Variants in PEBP4 observed in about 807,000 individuals in gnomAD.
The protein encoded by PEBP4 is phosphatidylethanolamine binding protein 4.
In PEBP4, 22 loss-of-function variants were observed where a neutral mutation model predicts 23.9. The ratio of observed to expected loss-of-function variants is 0.92; its 90% CI spans 0.66 to 1.31. The LOEUF (loss-of-function observed/expected upper bound fraction) is 1.31, where lower values mean the gene tolerates loss of function less well. Ranked by LOEUF, PEBP4 falls within the 40% of genes most tolerant of loss-of-function variation. PEBP4 has a pLI of 0.00. For synonymous variants in PEBP4, 112 were observed against 99.3 expected, an observed-to-expected ratio of 1.13 and a Z score of -0.76; for missense variants, 324 against 281.7, an observed-to-expected ratio of 1.15 and a Z score of -1.07.
chr8:22,810,133 C>T lies in PEBP4; in HGVS notation c.357+7504G>A, dbSNP rs142928491. ...CAGCAAGATCTCTTCTGTTTTCCAA[C>T]GAGATTTCCTTAACTCTTTAAAGGC... On this transcript the variant is annotated intron_variant, in intron 4 of 6. Coordinates refer to ENST00000256404, the MANE Select transcript of PEBP4 (RefSeq NM_144962.3). Among the ~76,000 whole-genome samples the T allele has an allele frequency of 3.3e-3, 504 of 152,332 alleles. 3 individuals are homozygous for T. Among genetic ancestry groups the T allele is most frequent in the Non-Finnish European group, 5.5e-3 (377 of 68,024 alleles).
At chr8:22,842,163 G>A (rs533635126) in intron 3 of PEBP4, among the ~76,000 whole-genome samples, 5 of 152,354 alleles carry the variant, frequency 3.3e-5, no homozygotes, top group Admixed American at 2.6e-4. Context: ...TACACAGTGG[G>A]TAGTCAACTC....
chr8:22,838,090 G>A (rs913232269), intron 3 of PEBP4, among the ~76,000 whole-genome samples: 2 of 151,850 alleles, frequency 1.3e-5, no homozygotes, highest in East Asian at 1.9e-4. Flanking sequence ...TTGTAGATAC[G>A]GGGTCTCCCT....
In PEBP4 at chr8:22,774,645, A is replaced by ACCCTAGAT. The variant is rs1380959687; in HGVS notation, c.357+42984_357+42991dup. ...CTGGCAAACCCAGCTGAAGTTGCTG[A>ACCCTAGAT]CCCTAGATGTCAAGGTCATGACATG... On this transcript the variant is annotated intron_variant, in intron 4 of 6. Transcript: ENST00000256404. 5.9e-5 allele frequency among the ~76,000 whole-genome samples: 9 copies of ACCCTAGAT among 152,246 alleles called. No individual in the cohort carries two copies. The East Asian group carries it at 7.7e-4, about 13-fold the overall frequency.
chr8:22,723,786 G>A (rs1260593637), intron 6 of PEBP4, among the ~76,000 whole-genome samples: 1 of 152,226 alleles, frequency 6.6e-6, no homozygotes, highest in Non-Finnish European at 1.5e-5. Context: ...TCCCAGGGTG[G>A]CCTGGAGCCC....
chr8:22,843,918 GC>G (rs963385016), intron 3 of PEBP4, among the ~76,000 whole-genome samples: 2 of 152,190 alleles, frequency 1.3e-5, no homozygotes, highest in African/African-American at 2.4e-5. Flanking sequence ...TTTCTAACAA[GC>G]ACTTCGCTCT....
At chr8:22,896,228 T>C (rs936306399) in intron 3 of PEBP4, 1 of 152,238 alleles carries the variant, frequency 6.6e-6, no homozygotes, top group South Asian at 2.1e-4. Flanking sequence ...TGTGATCTGA[T>C]GAAGATCTGA....
chr8:22,892,305 T>G (rs1289790135), intron 3 of PEBP4, among the ~76,000 whole-genome samples: 1 of 152,232 alleles, frequency 6.6e-6, no homozygotes, highest in African/African-American at 2.4e-5. Context: ...CTTAATGGTT[T>G]TTAAGTGTAT....
At chr8:22,887,452 C>T (rs1489952301) in intron 3 of PEBP4, among the ~76,000 whole-genome samples, 2 of 151,740 alleles carry the variant, frequency 1.3e-5, no homozygotes, top group Non-Finnish European at 2.9e-5. Flanking sequence ...CCCAGCCACT[C>T]CTAGTATATT....
chr8:22,819,323 G>A (rs1806809792), intron 3 of PEBP4, among the ~76,000 whole-genome samples: 1 of 152,206 alleles, frequency 6.6e-6, no homozygotes. Flanking sequence ...TATATCAAAT[G>A]CTGCTAAAAG....
upstream of PEBP4, among the ~76,000 whole-genome samples, chr8:22,931,130 T>G (rs1278096661): frequency 3.3e-5 from 5 of 152,190 alleles, no homozygotes; most frequent in Admixed American, 3.3e-4. Flanking sequence ...AGACTCTTGT[T>G]ATTTCTCTCC....
At chr8:22,921,979 G>A (rs898525735) in intron 2 of PEBP4, among the ~76,000 whole-genome samples, 3 of 152,202 alleles carry the variant, frequency 2.0e-5, no homozygotes, top group African/African-American at 4.8e-5. Flanking sequence ...ACGCCCTCAC[G>A]CCCATAACCC....
chr8:22,722,422 C>A (rs1248332458), intron 6 of PEBP4, among the ~76,000 whole-genome samples: 1 of 152,158 alleles, frequency 6.6e-6, no homozygotes, highest in African/African-American at 2.4e-5. Context: ...AGAGGGGAGT[C>A]CAGATTGCCT....
At chr8:22,723,835 C>T (rs1804568233) in intron 6 of PEBP4, among the ~76,000 whole-genome samples, 1 of 152,284 alleles carries the variant, frequency 6.6e-6, no homozygotes, top group South Asian at 2.1e-4. Flanking sequence ...ATCTGAAGGG[C>T]CCTGTCGCTC....
intron 3 of PEBP4, among the ~76,000 whole-genome samples, chr8:22,840,423 T>A (rs887475644): frequency 2.0e-5 from 3 of 150,902 alleles, no homozygotes; most frequent in South Asian, 2.1e-4. Context: ...TTTTTTTTTT[T>A]AAAGATGGGG....
intron 2 of PEBP4, 48 bp from the exon 3 acceptor site, chr8:22,920,358 C>G: frequency 1.3e-6 from 2 of 1,579,672 alleles, no homozygotes; most frequent in Non-Finnish European, 1.7e-6. Flanking sequence ...TTTAAGGGAG[C>G]CTGGGGTTCC....
intron 4 of PEBP4, among the ~76,000 whole-genome samples, chr8:22,771,233 C>A (rs1027527935): frequency 1.3e-5 from 2 of 152,200 alleles, no homozygotes; most frequent in Non-Finnish European, 2.9e-5. Flanking sequence ...GTGGCTCACA[C>A]CACTGAGCAC....
chr8:22,750,283 G>A (rs1478696519), intron 4 of PEBP4, among the ~76,000 whole-genome samples: 1 of 151,748 alleles, frequency 6.6e-6, no homozygotes, highest in African/African-American at 2.4e-5. Context: ...TGTATTTTTA[G>A]TAGAGACGGG....
intron 3 of PEBP4, among the ~76,000 whole-genome samples, chr8:22,819,027 C>T (rs191186497): frequency 3.1e-4 from 47 of 152,224 alleles, no homozygotes; most frequent in African/African-American, 1.1e-3. Flanking sequence ...GTTTGAAATG[C>T]CCCTCAGAAT....
chr8:22,761,014 A>G (rs1294301963), intron 4 of PEBP4, among the ~76,000 whole-genome samples: 1 of 152,158 alleles, frequency 6.6e-6, no homozygotes, highest in African/African-American at 2.4e-5. Flanking sequence ...GACTTCCCAG[A>G]GGAAGCGAGC....
Sources: allele counts gnomAD v4.1 joint callset (sites outside exome capture counted in the v4.1 genomes callset), GRCh38; gene constraint gnomAD v4.1.1; transcripts MANE v1.5; gene names NCBI Gene and HGNC (gene_info 2026-07-23, HGNC 2026-07-21).